Variants in TMEM132D observed in about 807,000 individuals in gnomAD.
TMEM132D encodes mature OL transmembrane protein.
Under a neutral mutation model 62.3 loss-of-function variants are expected in TMEM132D, and 21 were observed. The ratio of observed to expected loss-of-function variants is 0.34; its 90% CI spans 0.24 to 0.49. The LOEUF (loss-of-function observed/expected upper bound fraction) is 0.49, where lower values mean the gene tolerates loss of function less well. Ranked by LOEUF, TMEM132D falls within the 20% of genes least tolerant of loss-of-function variation. The pLI, the probability that TMEM132D is intolerant of heterozygous loss-of-function variation, is 0.99. For synonymous variants in TMEM132D, 621 were observed against 575.6 expected, an observed-to-expected ratio of 1.08 and a Z score of -1.13; for missense variants, 1,346 against 1,402.8, an observed-to-expected ratio of 0.96 and a Z score of 0.65.
At chr12:129,854,741 C>T (rs1456504869) in intron 1 of TMEM132D, 1 of 152,194 alleles carries the variant, frequency 6.6e-6, no homozygotes, top group East Asian at 1.9e-4. Flanking sequence ...TGCTAGCACC[C>T]ATTTTAAAGA....
intron 2 of TMEM132D, among the ~76,000 whole-genome samples, chr12:129,554,171 T>G (rs1033803709): frequency 6.6e-6 from 1 of 152,164 alleles, no homozygotes; most frequent in South Asian, 2.1e-4. Context: ...CACTGCATCA[T>G]CACACCACTC....
chr12:129,778,683 C>T (rs922620034), intron 1 of TMEM132D, among the ~76,000 whole-genome samples: 4 of 152,198 alleles, frequency 2.6e-5, no homozygotes, highest in African/African-American at 9.6e-5. Flanking sequence ...ATAATCGTAG[C>T]TTGAACTCTG....
intron 4 of TMEM132D, among the ~76,000 whole-genome samples, chr12:129,306,268 A>AAT (rs1413510878): frequency 6.6e-6 from 1 of 152,226 alleles, no homozygotes; most frequent in Admixed American, 6.5e-5. Context: ...AAGTTTGATA[A>AAT]TATTATCTCA....
At chr12:129,580,734 T>TAAAC (rs1555219779) in intron 2 of TMEM132D, among the ~76,000 whole-genome samples, 2 of 151,396 alleles carry the variant, frequency 1.3e-5, no homozygotes, top group South Asian at 4.2e-4. Context: ...TAAATAAAAA[T>TAAAC]AAATAAATAA....
intron 1 of TMEM132D, among the ~76,000 whole-genome samples, chr12:129,763,224 C>T (rs911667706): frequency 2.2e-4 from 33 of 152,048 alleles, no homozygotes; most frequent in Non-Finnish European, 7.4e-5. Context: ...ACTACAGATG[C>T]GTGTCATTAT....
chr12:129,583,109 T>C (rs1877925503), intron 2 of TMEM132D, among the ~76,000 whole-genome samples: 1 of 152,226 alleles, frequency 6.6e-6, no homozygotes, highest in Non-Finnish European at 1.5e-5. Context: ...TGCCCAGCCC[T>C]GAGACTCATT....
intron 5 of TMEM132D, among the ~76,000 whole-genome samples, chr12:129,203,314 C>T (rs1357232126): frequency 1.3e-5 from 2 of 152,332 alleles, no homozygotes; most frequent in South Asian, 2.1e-4. Context: ...TCTGGGGGTT[C>T]CCTAATTTGT....
At chr12:129,721,830 C>T (rs779397060) in intron 1 of TMEM132D, among the ~76,000 whole-genome samples, 2 of 152,202 alleles carry the variant, frequency 1.3e-5, no homozygotes, top group African/African-American at 4.8e-5. Flanking sequence ...TCCGGCCAGC[C>T]AGCTTCCAAG....
Position 129,277,287 on chromosome 12 carries a change from A to C in TMEM132D, c.1299+60347T>G, listed in dbSNP as rs1338401833. On this transcript the variant is annotated intron_variant, in intron 4 of 8. Coordinates refer to ENST00000422113, the MANE Select transcript of TMEM132D (RefSeq NM_133448.3). This position sits in a 1 kb window ranked among gnomAD's most constrained non-coding sequence, Gnocchi z 4.2. ...AAGAGATGTATTTTCCTCAACAATG[A>C]GGTCCAGACTTAGAGGTATTTGTGT... is the stretch of plus-strand genomic sequence containing the variant. Among the ~76,000 whole-genome samples the C allele has an allele frequency of 6.6e-6, 1 of 152,170 alleles. No homozygotes were observed. The highest frequency in any genetic ancestry group is 2.4e-5 in the African/African-American group (1 of 41,428).
At chr12:129,379,306 GC>G (rs1228359803) in intron 3 of TMEM132D, among the ~76,000 whole-genome samples, 4 of 152,082 alleles carry the variant, frequency 2.6e-5, no homozygotes, top group African/African-American at 9.7e-5. Flanking sequence ...AGTGTTTACA[GC>G]AGTGCCTGTC....
At chr12:129,793,892 A>G (rs1043694469) in intron 1 of TMEM132D, among the ~76,000 whole-genome samples, 1 of 152,182 alleles carries the variant, frequency 6.6e-6, no homozygotes, top group African/African-American at 2.4e-5. Context: ...CATTTTGCCT[A>G]TGGTGTTGTA....
intron 1 of TMEM132D, among the ~76,000 whole-genome samples, chr12:129,811,327 G>T (rs1872172514): frequency 6.6e-6 from 1 of 151,544 alleles, no homozygotes. Flanking sequence ...TACCTCCTTG[G>T]AGGCTCACAC....
chr12:129,295,210 G>A (rs1566024516), intron 4 of TMEM132D, among the ~76,000 whole-genome samples: 1 of 151,166 alleles, frequency 6.6e-6, no homozygotes, highest in African/African-American at 2.4e-5. Context: ...CTGCTGGCTA[G>A]ACACTACGGA....
chr12:129,780,421 A>C lies in TMEM132D; in HGVS notation c.80-79723T>G, dbSNP rs868469564. 1.3e-5 allele frequency among the ~76,000 whole-genome samples: 2 copies of C among 152,128 alleles called. 1 individual carries two copies. The highest frequency in any genetic ancestry group is 4.8e-5 in the African/African-American group (2 of 41,432). On this transcript the variant is annotated intron_variant, in intron 1 of 8. Transcript: ENST00000422113. ...CTTTTAAAATGGGAGATTTTTGCAT[A>C]GAAATCTCGACATCTACCTGTCCTC...
chr12:129,899,299 GCAT>G (rs1295628704), intron 1 of TMEM132D, among the ~76,000 whole-genome samples: 3 of 131,590 alleles, frequency 2.3e-5, no homozygotes, highest in East Asian at 4.3e-4. Context: ...ATGGATGGAT[GCAT>G]GCATGGATGG....
intron 4 of TMEM132D, among the ~76,000 whole-genome samples, chr12:129,292,691 C>T (rs1881478975): frequency 6.6e-6 from 1 of 152,082 alleles, no homozygotes; most frequent in Admixed American, 6.5e-5. Flanking sequence ...TTGAAGATTA[C>T]AAAGAAATAA....
At chr12:129,715,514 C>A (rs1244412631) in intron 1 of TMEM132D, among the ~76,000 whole-genome samples, 4 of 152,178 alleles carry the variant, frequency 2.6e-5, no homozygotes, top group African/African-American at 9.7e-5. Flanking sequence ...CTGTAGATAA[C>A]CGATACCAAT....
chr12:129,719,899 C>T (rs982929365), intron 1 of TMEM132D, among the ~76,000 whole-genome samples: 2 of 152,130 alleles, frequency 1.3e-5, no homozygotes, highest in African/African-American at 4.8e-5. Context: ...TTACTGACTT[C>T]TTCAAAGCTA....
chr12:129,449,681 T>C (rs1350441036), intron 3 of TMEM132D, among the ~76,000 whole-genome samples: 1 of 152,208 alleles, frequency 6.6e-6, no homozygotes, highest in African/African-American at 2.4e-5. Flanking sequence ...CAGCGTCTCA[T>C]TGTGTGAAAA....
Sources: allele counts gnomAD v4.1 joint callset (sites outside exome capture counted in the v4.1 genomes callset), GRCh38; gene constraint gnomAD v4.1.1; non-coding constraint Gnocchi (gnomAD v3.1); transcripts MANE v1.5; gene names NCBI Gene and HGNC (gene_info 2026-07-23, HGNC 2026-07-21).